DNM2: variants seen among roughly 807,000 people sequenced by gnomAD.
The protein encoded by DNM2 is dynamin 2.
A neutral mutation model predicts 99.0 loss-of-function variants in DNM2; 15 were observed. The observed-to-expected ratio is 0.15, with a 90% confidence interval of 0.10 to 0.23. The LOEUF is 0.23. Ranked by LOEUF, DNM2 falls within the 10% of genes least tolerant of loss-of-function variation. DNM2 has a pLI of 1.00. For missense variants in DNM2, 742 were observed against 1,189.4 expected (o/e 0.62, Z 5.53); for synonymous variants, 525 against 481.2 (o/e 1.09, Z -1.19).
intron 1 of DNM2, among the ~76,000 whole-genome samples, chr19:10,725,767 G>A (rs1250716184): frequency 3.9e-5 from 6 of 152,114 alleles, no homozygotes; most frequent in Non-Finnish European, 4.4e-5. Flanking sequence ...GATGACAGGT[G>A]TACGTTTCTT....
chr19:10,746,738 T>TG (rs748647537), intron 1 of DNM2, among the ~76,000 whole-genome samples: 6,337 of 142,116 alleles, frequency 0.045, 484 homozygotes, highest in East Asian at 0.29. Context: ...TTTTTTGTTT[T>TG]TTTTTTTTTT....
Position 10,772,124 on chromosome 19 carries a change from G to A in DNM2, c.236-355G>A, listed in dbSNP as rs2071002202. Among the ~76,000 whole-genome samples, 1 of 150,864 alleles carries A rather than the reference G, an allele frequency of 6.6e-6. No homozygotes were observed. The highest frequency in any genetic ancestry group is 2.1e-4 in the South Asian group (1 of 4,778). ...GAGATGGAGTCTTCTCTGTCTCCCA[G>A]GCTAGAGTGCAGTGGCGCAATCTCG... On this transcript the variant is annotated intron_variant, in intron 2 of 20. Coordinates refer to ENST00000389253, the MANE Select transcript of DNM2 (RefSeq NM_001005361.3). This position sits in a 1 kb window ranked among gnomAD's most constrained non-coding sequence, Gnocchi z 4.9.
At chr19:10,734,953 C>G (rs2069469965) in intron 1 of DNM2, among the ~76,000 whole-genome samples, 1 of 151,562 alleles carries the variant, frequency 6.6e-6, no homozygotes, top group African/African-American at 2.4e-5. Context: ...ATCTGGAATT[C>G]TTCATGGTGA....
rs74723057 is a variant in DNM2 at position 10,818,611 on chromosome 19, G to C, written c.1672-1369G>C. The stretch of plus-strand genomic sequence containing the variant: ...TGGCTCCCCTTGCAAAGTCCTGACA[G>C]TCCCAGCTGGCCCCCACTTGCCAGG... On this transcript the variant is annotated intron_variant, in intron 15 of 20. Coordinates refer to ENST00000389253, the MANE Select transcript of DNM2 (RefSeq NM_001005361.3). This position sits in a 1 kb window ranked among gnomAD's most constrained non-coding sequence, Gnocchi z 4.3. Among the ~76,000 whole-genome samples, 9,570 of 152,280 alleles carry C rather than the reference G, an allele frequency of 0.063. 648 individuals carry two copies. Among genetic ancestry groups the C allele is most frequent in the East Asian group, 0.36 (1,845 of 5,146 alleles).
Position 10,812,257 on chromosome 19 carries a change from C to A in DNM2, c.1558-7C>A, listed in dbSNP as rs184310103. 104 of 1,589,066 alleles carry A rather than the reference C, an allele frequency of 6.5e-5. 1 individual carries two copies. The East Asian group carries it at 2.2e-3, about 33-fold the overall frequency. On this transcript the variant is annotated splice_region_variant and splice_polypyrimidine_tract_variant and intron_variant, in intron 14 of 20. Transcript: ENST00000389253. The surrounding 1 kb of genome is among the most constrained non-coding windows in gnomAD (Gnocchi z 4.0). ...GGTTCCCTGCTAAGCTGCGCGCTTT[C>A]CCCCAGGTGATCCGCAGGGGCTGGC... is the stretch of plus-strand genomic sequence containing the variant.
intron 2 of DNM2, chr19:10,763,506 G>C (rs2070701900): frequency 6.6e-6 from 1 of 152,298 alleles, no homozygotes; most frequent in African/African-American, 2.4e-5. Context: ...GCCCGACCAG[G>C]CTCCAATCTC....
In DNM2 at chr19:10,795,949, T is replaced by A; in HGVS notation, c.1196+510T>A. Reference sequence around the variant, plus strand: ...GGACTCAGGCATCCGACCCCACACATGACACAACCTTCATTCCTTGTTGGG... The same window carrying A: ...GGACTCAGGCATCCGACCCCACACAAGACACAACCTTCATTCCTTGTTGGG... On this transcript the variant is annotated intron_variant, in intron 9 of 20. Transcript: ENST00000389253. The surrounding 1 kb of genome is among the most constrained non-coding windows in gnomAD (Gnocchi z 4.2). 6.3e-7 allele frequency: 1 copy of A among 1,574,934 alleles called. No homozygotes were observed. The highest frequency in any genetic ancestry group is 8.6e-7 in the Non-Finnish European group (1 of 1,156,542).
intron 1 of DNM2, among the ~76,000 whole-genome samples, chr19:10,750,409 T>C (rs2070150894): frequency 6.6e-6 from 1 of 150,744 alleles, no homozygotes; most frequent in Admixed American, 6.6e-5. Flanking sequence ...GGTCCGGGAG[T>C]TCAAGGCTGC....
At position 10,798,452 on chromosome 19, in the gene DNM2, C is replaced by T. The variant is rs1013689956; in HGVS notation, c.1336-34C>T. The stretch of plus-strand genomic sequence containing the variant: ...ATGTTGCTTCCCGTGCCACGAGGAC[C>T]CCGCCAATGCGACCACTCTGCTTGT... On this transcript the variant is annotated intron_variant, in intron 10 of 20. Transcript: ENST00000389253. 2.7e-5 allele frequency: 43 copies of T among 1,611,432 alleles called. No homozygotes were observed. The Admixed American group carries it at 6.8e-4, about 26-fold the overall frequency.
At chr19:10,726,081 T>G (rs1668513495) in intron 1 of DNM2, among the ~76,000 whole-genome samples, 1 of 151,776 alleles carries the variant, frequency 6.6e-6, no homozygotes, top group Admixed American at 6.6e-5. Context: ...TAGGTGGGTG[T>G]GGTGGCTCTC....
At chr19:10,802,452 GT>G (rs2072187431) in intron 12 of DNM2, 94 bp downstream of exon 12, 1 of 1,387,712 alleles carries the variant, frequency 7.2e-7, no homozygotes, top group African/African-American at 1.4e-5. Flanking sequence ...GAGAGGGCAG[GT>G]GTCAGACAGT....
chr19:10,819,449 A>C (rs1024605295), intron 15 of DNM2, among the ~76,000 whole-genome samples: 9 of 152,154 alleles, frequency 5.9e-5, no homozygotes, highest in Admixed American at 5.9e-4. Flanking sequence ...GATGGAGCCC[A>C]GATAAAAGTT....
intron 1 of DNM2, among the ~76,000 whole-genome samples, chr19:10,733,103 T>C (rs912333327): frequency 2.0e-5 from 3 of 151,848 alleles, no homozygotes; most frequent in Non-Finnish European, 4.4e-5. Flanking sequence ...AGGCTAGTCT[T>C]GAACTCCCGA....
At position 10,826,635 on chromosome 19, in the gene DNM2, C is replaced by A. The variant is rs535724950; in HGVS notation, c.2058+1414C>A. On this transcript the variant is annotated intron_variant, in intron 18 of 20. Transcript: ENST00000389253. ...GAGCAGTGGCTCATGCCTGTAATCC[C>A]AGCACTTTGGGAGGCTGAGGAGGGA... Among the ~76,000 whole-genome samples the A allele has an allele frequency of 3.9e-5, 6 of 152,174 alleles. No individual in the cohort carries two copies. The East Asian group carries it at 1.2e-3, about 29-fold the overall frequency.
At position 10,776,854 on chromosome 19, in the gene DNM2, A is replaced by G. The variant is rs530019366; in HGVS notation, c.590-264A>G. On this transcript the variant is annotated intron_variant, in intron 4 of 20. Coordinates refer to ENST00000389253, the MANE Select transcript of DNM2 (RefSeq NM_001005361.3). ...TGCAGCAGCAGAGGTTGTCCTTAAT[A>G]ACACAAATGACAATAACGGCCAGCA... Among the ~76,000 whole-genome samples, 7 of 152,364 alleles carry G rather than the reference A, an allele frequency of 4.6e-5. No homozygotes were observed. The East Asian group carries it at 1.3e-3, about 29-fold the overall frequency.
chr19:10,811,830 A>C lies in DNM2; in HGVS notation c.1558-434A>C. The C allele has an allele frequency of 1.9e-6, 1 of 516,104 alleles. No individual in the cohort carries two copies. The highest frequency in any genetic ancestry group is 3.9e-6 in the Non-Finnish European group (1 of 258,862). The allele number at this position is 516,104 out of a possible 1,614,324, so 32.0% of individuals were successfully genotyped here. On this transcript the variant is annotated intron_variant, in intron 14 of 20. Coordinates refer to ENST00000389253, the MANE Select transcript of DNM2 (RefSeq NM_001005361.3). The surrounding 1 kb of genome is among the most constrained non-coding windows in gnomAD (Gnocchi z 5.4). ...CTTGGGACATGAGCCGCGCTCCTTC[A>C]ATGTCCTTGGGGAGGGCCCCTGGGC...
chr19:10,800,519 C>T (rs1032735157), intron 11 of DNM2, among the ~76,000 whole-genome samples: 3 of 152,216 alleles, frequency 2.0e-5, no homozygotes, highest in Non-Finnish European at 4.4e-5. Context: ...GATCTGAGAG[C>T]GCTGGGTTGA....
In DNM2 at chr19:10,830,517, C is replaced by A; in HGVS notation, c.2543+139C>A. 3 of 1,073,628 alleles carry A rather than the reference C, an allele frequency of 2.8e-6. No homozygotes were observed. Among genetic ancestry groups the A allele is most frequent in the Non-Finnish European group, 4.0e-6 (3 of 753,740 alleles). 66.5% of individuals were successfully genotyped at this position (1,073,628 alleles called of 1,614,324 possible). A position where few individuals can be genotyped will look rare whatever the true frequency, so the allele number is the denominator to read the frequency against. On this transcript the variant is annotated intron_variant, in intron 20 of 20. Transcript: ENST00000389253. The surrounding 1 kb of genome is among the most constrained non-coding windows in gnomAD (Gnocchi z 4.8). Reference sequence around the variant, plus strand: ...ATCGTCCTCATCCCTATTTGGCTTGCGAGGAAACAGGCCCAGAGAGGCCAA... The same window carrying A: ...ATCGTCCTCATCCCTATTTGGCTTGAGAGGAAACAGGCCCAGAGAGGCCAA...
Position 10,783,074 on chromosome 19 carries a change from T to C in DNM2, c.803T>C (p.Met268Thr). Residue 268 changes from methionine to threonine, a missense_variant, in exon 6 of 21, where the codon ATG becomes ACG. Physicochemically the swap from Met to Thr is moderately conservative, Grantham distance 81. Transcript: ENST00000389253. ...FFLSHPAYRH[M>T]ADRMGTPHLQ... Reference sequence around the variant, plus strand: ...CTCTCCCACCCGGCCTACCGGCACATGGCCGACCGCATGGGCACGCCACAT... The same window carrying C: ...CTCTCCCACCCGGCCTACCGGCACACGGCCGACCGCATGGGCACGCCACAT... 5 of 1,613,796 alleles carry C rather than the reference T, an allele frequency of 3.1e-6. No individual in the cohort carries two copies. The highest frequency in any genetic ancestry group is 4.2e-6 in the Non-Finnish European group (5 of 1,180,046).
Sources: allele counts gnomAD v4.1 joint callset (sites outside exome capture counted in the v4.1 genomes callset), GRCh38; gene constraint gnomAD v4.1.1; non-coding constraint Gnocchi (gnomAD v3.1); transcripts MANE v1.5; gene names NCBI Gene and HGNC (gene_info 2026-07-23, HGNC 2026-07-21).